Variants in TNFSF4 observed in about 807,000 individuals in gnomAD.
The protein encoded by TNFSF4 is tumor necrosis factor ligand superfamily member 4.
TNFSF4 carries 4 observed loss-of-function variants against 7.3 expected under a neutral mutation model. The observed-to-expected ratio is 0.55, with a 90% CI of 0.27 to 1.25. The LOEUF is 1.25. TNFSF4 is among the 50% of genes most tolerant of loss of function. The pLI is 0.12. For synonymous variants in TNFSF4, 76 were observed against 83.7 expected (o/e 0.91, Z 0.50); for missense variants, 181 against 208.8 (o/e 0.87, Z 0.82).
the TNFSF4 span, among the ~76,000 whole-genome samples, chr1:173,427,656 C>A: frequency 1.3e-5 from 2 of 152,116 alleles, no homozygotes; most frequent in African/African-American, 4.8e-5. Context: ...CATCCCTTAA[C>A]GACAGCAATA....
At chr1:173,444,868 T>C in the TNFSF4 span, among the ~76,000 whole-genome samples, 1 of 152,224 alleles carries the variant, frequency 6.6e-6, no homozygotes, top group Admixed American at 6.5e-5. Context: ...ACCTGCATTC[T>C]AGAGGTAAAC....
the TNFSF4 span, among the ~76,000 whole-genome samples, chr1:173,327,606 T>A: frequency 2.6e-5 from 4 of 151,738 alleles, no homozygotes; most frequent in Non-Finnish European, 1.5e-5. Context: ...CCTACTCATC[T>A]GACAAAGGGC....
At chr1:173,354,240 G>T in the TNFSF4 span, among the ~76,000 whole-genome samples, 1 of 151,986 alleles carries the variant, frequency 6.6e-6, no homozygotes, top group Non-Finnish European at 1.5e-5. Flanking sequence ...AGAAAATCTG[G>T]AAGAAAAAGA....
At chr1:173,383,160 G>A in the TNFSF4 span, among the ~76,000 whole-genome samples, 25 of 152,220 alleles carry the variant, frequency 1.6e-4, no homozygotes, top group African/African-American at 6.0e-4. Context: ...GTGAGTAGAA[G>A]CCAAGGATGT....
chr1:173,292,773 A>G, the TNFSF4 span, among the ~76,000 whole-genome samples: 1 of 152,124 alleles, frequency 6.6e-6, no homozygotes, highest in African/African-American at 2.4e-5. Context: ...AGGGTCCTAG[A>G]ACTGAAAATT....
At chr1:173,292,926 G>A in the TNFSF4 span, among the ~76,000 whole-genome samples, 332 of 151,904 alleles carry the variant, frequency 2.2e-3, 1 homozygote, top group African/African-American at 7.5e-3. Flanking sequence ...AAGAAATACC[G>A]CTAACCAAGG....
chr1:173,275,267 G>A, the TNFSF4 span, among the ~76,000 whole-genome samples: 1 of 152,092 alleles, frequency 6.6e-6, no homozygotes, highest in African/African-American at 2.4e-5. Context: ...GAGGAACCCT[G>A]AGCTTAGGAA....
chr1:173,349,392 T>C, the TNFSF4 span, among the ~76,000 whole-genome samples: 22 of 152,318 alleles, frequency 1.4e-4, no homozygotes, highest in African/African-American at 5.1e-4. Flanking sequence ...CAGAAATCCA[T>C]TGAAGTCCTA....
the TNFSF4 span, among the ~76,000 whole-genome samples, chr1:173,301,220 A>T: frequency 6.6e-6 from 1 of 151,912 alleles, no homozygotes. Flanking sequence ...ATTTTGATAG[A>T]AAATTAGGTG....
the TNFSF4 span, among the ~76,000 whole-genome samples, chr1:173,386,930 G>A: frequency 6.6e-6 from 1 of 152,216 alleles, no homozygotes. Context: ...CTTTGGGAAT[G>A]GAAATGTCTG....
chr1:173,360,806 T>A, the TNFSF4 span, among the ~76,000 whole-genome samples: 2 of 152,166 alleles, frequency 1.3e-5, no homozygotes, highest in Non-Finnish European at 2.9e-5. Context: ...ATAACCCACA[T>A]AAATTATTAA....
At chr1:173,443,548 GAAGA>G in the TNFSF4 span, among the ~76,000 whole-genome samples, 1 of 152,188 alleles carries the variant, frequency 6.6e-6, no homozygotes, top group South Asian at 2.1e-4. Flanking sequence ...TCCTATTTTC[GAAGA>G]AAGATAGATG....
chr1:173,235,428 T>C, the TNFSF4 span, among the ~76,000 whole-genome samples: 1 of 152,208 alleles, frequency 6.6e-6, no homozygotes, highest in African/African-American at 2.4e-5. Flanking sequence ...TCCAGGTGGG[T>C]CCACCCCATT....
At chr1:173,246,491 C>A in the TNFSF4 span, among the ~76,000 whole-genome samples, 1 of 152,172 alleles carries the variant, frequency 6.6e-6, no homozygotes, top group African/African-American at 2.4e-5. Flanking sequence ...ATAGCAAAGA[C>A]TTGGAACCAA....
At chr1:173,216,200 G>C in the TNFSF4 span, among the ~76,000 whole-genome samples, 1 of 151,988 alleles carries the variant, frequency 6.6e-6, no homozygotes, top group African/African-American at 2.4e-5. Flanking sequence ...CCCACCCTAG[G>C]CATCAGCAGG....
chr1:173,228,206 G>A, the TNFSF4 span, among the ~76,000 whole-genome samples: 1 of 152,202 alleles, frequency 6.6e-6, no homozygotes, highest in African/African-American at 2.4e-5. Context: ...ACCTCACACA[G>A]CTGGGTACCC....
chr1:173,244,941 G>A, the TNFSF4 span, among the ~76,000 whole-genome samples: 1 of 151,774 alleles, frequency 6.6e-6, no homozygotes, highest in Non-Finnish European at 1.5e-5. Flanking sequence ...TATTTTAGAA[G>A]GACATTGATA....
chr1:173,386,670 C>A, the TNFSF4 span, among the ~76,000 whole-genome samples: 1 of 152,174 alleles, frequency 6.6e-6, no homozygotes, highest in Non-Finnish European at 1.5e-5. Context: ...CATCAGCATG[C>A]AACATCAGCC....
chr1:173,268,586 G>A, the TNFSF4 span, among the ~76,000 whole-genome samples: 1 of 151,986 alleles, frequency 6.6e-6, no homozygotes, highest in African/African-American at 2.4e-5. Context: ...TAAAAAATGT[G>A]TAAGTTACCC....
Sources: allele counts gnomAD v4.1 joint callset (sites outside exome capture counted in the v4.1 genomes callset), GRCh38; gene constraint gnomAD v4.1.1; transcripts MANE v1.5; gene names NCBI Gene and HGNC (gene_info 2026-07-23, HGNC 2026-07-21).